The following CCSER1 variants were observed in gnomAD, a reference collection of about 807,000 sequenced individuals.
The protein encoded by CCSER1 is coiled-coil serine rich protein 1.
In CCSER1, 41 loss-of-function variants were observed where a neutral mutation model predicts 82.0. That is an observed-to-expected ratio of 0.50 (90% CI 0.39 to 0.65). The LOEUF is 0.65. CCSER1 is among the 30% of genes least tolerant of loss of function. The pLI, the probability that CCSER1 is intolerant of heterozygous loss-of-function variation, is 0.00. For missense variants in CCSER1, 1,119 were observed against 1,064.2 expected (o/e 1.05, Z -0.72); for synonymous variants, 414 against 383.9 (o/e 1.08, Z -0.92).
intron 1 of CCSER1, among the ~76,000 whole-genome samples, chr4:90,215,396 AG>A (rs1266971685): frequency 6.6e-6 from 1 of 152,228 alleles, no homozygotes; most frequent in Non-Finnish European, 1.5e-5. Context: ...GACTACAAAA[AG>A]GATGTCCTTG....
At chr4:91,144,138 A>G (rs953654313) in intron 10 of CCSER1, among the ~76,000 whole-genome samples, 1 of 151,974 alleles carries the variant, frequency 6.6e-6, no homozygotes, top group Middle Eastern at 3.2e-3. Flanking sequence ...TCAATTTTAG[A>G]ACTCATTATT....
intron 3 of CCSER1, among the ~76,000 whole-genome samples, chr4:90,365,017 A>G (rs1446016955): frequency 6.6e-6 from 1 of 151,960 alleles, no homozygotes; most frequent in East Asian, 1.9e-4. Flanking sequence ...GCCTAAACTC[A>G]GGACAAAATA....
chr4:91,414,245 C>G (rs535951594), intron 10 of CCSER1, among the ~76,000 whole-genome samples: 2 of 152,182 alleles, frequency 1.3e-5, no homozygotes, highest in East Asian at 3.9e-4. Context: ...TGTATTAATG[C>G]TTACACAATA....
intron 10 of CCSER1, among the ~76,000 whole-genome samples, chr4:91,556,785 G>A (rs1051304744): frequency 4.0e-5 from 6 of 150,494 alleles, no homozygotes; most frequent in African/African-American, 1.5e-4. Flanking sequence ...TTATATAATT[G>A]GTGTAAATGC....
At chr4:90,996,935 AG>A (rs1281694028) in intron 9 of CCSER1, among the ~76,000 whole-genome samples, 1 of 152,130 alleles carries the variant, frequency 6.6e-6, no homozygotes, top group Non-Finnish European at 1.5e-5. Context: ...CTGGTTGTTA[AG>A]TATTATGAGT....
At chr4:90,787,558 C>G (rs10001368) in intron 7 of CCSER1, among the ~76,000 whole-genome samples, 280 of 152,242 alleles carry the variant, frequency 1.8e-3, no homozygotes, top group African/African-American at 6.4e-3. Context: ...CTCTAGTTTT[C>G]AGTCTTCAAA....
At chr4:91,216,834 G>A (rs576395694) in intron 10 of CCSER1, among the ~76,000 whole-genome samples, 2 of 152,138 alleles carry the variant, frequency 1.3e-5, no homozygotes, top group African/African-American at 4.8e-5. Context: ...AAACTGATAC[G>A]CTTGGATTTC....
chr4:90,407,580 A>G (rs1285376610), intron 4 of CCSER1, among the ~76,000 whole-genome samples: 1 of 152,210 alleles, frequency 6.6e-6, no homozygotes, highest in Admixed American at 6.5e-5. Flanking sequence ...TCCCTGATGA[A>G]CATAGATGCA....
intron 1 of CCSER1, among the ~76,000 whole-genome samples, chr4:90,278,399 C>T (rs1434209774): frequency 6.7e-6 from 1 of 150,092 alleles, no homozygotes; most frequent in African/African-American, 2.5e-5. Context: ...CAATGCTATT[C>T]ATAATACAAA....
intron 6 of CCSER1, among the ~76,000 whole-genome samples, chr4:90,682,651 A>T (rs894171348): frequency 6.6e-6 from 1 of 152,080 alleles, no homozygotes; most frequent in Admixed American, 6.6e-5. Flanking sequence ...TGGGAAAACA[A>T]TCTTTCCTGT....
intron 1 of CCSER1, among the ~76,000 whole-genome samples, chr4:90,230,271 C>G (rs1489443780): frequency 6.6e-6 from 1 of 152,140 alleles, no homozygotes; most frequent in Non-Finnish European, 1.5e-5. Context: ...AACAAACTGT[C>G]TCTCAGACCA....
At chr4:91,122,328 T>C (rs1248482795) in intron 10 of CCSER1, among the ~76,000 whole-genome samples, 1 of 151,794 alleles carries the variant, frequency 6.6e-6, no homozygotes, top group Admixed American at 6.6e-5. Flanking sequence ...TAATTTACTA[T>C]TGATACTCAT....
At chr4:91,159,099 ATT>A (rs902359233) in intron 10 of CCSER1, among the ~76,000 whole-genome samples, 1 of 151,842 alleles carries the variant, frequency 6.6e-6, no homozygotes. Flanking sequence ...ACTTATCTGA[ATT>A]TTAACATTTG....
intron 5 of CCSER1, among the ~76,000 whole-genome samples, chr4:90,530,158 A>G (rs1391571508): frequency 1.3e-5 from 2 of 152,186 alleles, no homozygotes; most frequent in Non-Finnish European, 2.9e-5. Context: ...GGAGATGCCA[A>G]GATGAATAGG....
chr4:91,477,947 G>T (rs1757683178), intron 10 of CCSER1, among the ~76,000 whole-genome samples: 1 of 151,812 alleles, frequency 6.6e-6, no homozygotes. Context: ...GATAGTAAAT[G>T]ACTGATTCAA....
intron 5 of CCSER1, among the ~76,000 whole-genome samples, chr4:90,526,013 TA>T (rs949054040): frequency 1.2e-4 from 19 of 152,264 alleles, no homozygotes; most frequent in South Asian, 8.3e-4. Flanking sequence ...TCAACTTAGT[TA>T]AAAAAATATT....
chr4:91,211,361 G>T (rs1000320451), intron 10 of CCSER1, among the ~76,000 whole-genome samples: 3 of 152,034 alleles, frequency 2.0e-5, no homozygotes, highest in Non-Finnish European at 4.4e-5. Flanking sequence ...GGCTTGGGAT[G>T]ACTTTAAGCT....
At chr4:90,808,190 T>A (rs1757774740) in intron 7 of CCSER1, among the ~76,000 whole-genome samples, 1 of 152,098 alleles carries the variant, frequency 6.6e-6, no homozygotes, top group South Asian at 2.1e-4. Flanking sequence ...GATAGCCAGA[T>A]GTAGAAGAAT....
chr4:90,496,643 C>T (rs770674564), intron 5 of CCSER1, among the ~76,000 whole-genome samples: 86 of 151,998 alleles, frequency 5.7e-4, no homozygotes, highest in Non-Finnish European at 1.1e-3. Context: ...TCAATATTTT[C>T]CTTTAAATAG....
Sources: gnomAD v4.1 joint callset for allele counts (sites outside exome capture counted in the v4.1 genomes callset) on GRCh38, gnomAD v4.1.1 for gene constraint, MANE v1.5 for transcripts, NCBI Gene and HGNC (gene_info 2026-07-23, HGNC 2026-07-21) for gene names.